The following EXOC3L2 variants were observed in gnomAD, a reference collection of about 807,000 sequenced individuals.
The protein encoded by EXOC3L2 is exocyst complex component 3-like protein 2.
A neutral mutation model predicts 44.4 loss-of-function variants in EXOC3L2; 17 were observed. The ratio of observed to expected loss-of-function variants is 0.38; its 90% confidence interval spans 0.26 to 0.57. EXOC3L2 has a LOEUF of 0.57. EXOC3L2 is among the 20% of genes least tolerant of loss of function. EXOC3L2 has a pLI of 0.65. For missense variants in EXOC3L2, 541 were observed against 588.4 expected, an observed-to-expected ratio of 0.92 and a Z score of 0.83; for synonymous variants, 256 against 253.7, an observed-to-expected ratio of 1.01 and a Z score of -0.09.
chr19:45,242,368 G>A (rs562073518), intron 1 of EXOC3L2, among the ~76,000 whole-genome samples: 8 of 152,050 alleles, frequency 5.3e-5, no homozygotes, highest in African/African-American at 1.9e-4. Context: ...GGGCTCAAGC[G>A]ATCCTCCCAC....
intron 8 of EXOC3L2, among the ~76,000 whole-genome samples, chr19:45,222,609 G>A (rs995387186): frequency 6.6e-6 from 1 of 151,698 alleles, no homozygotes; most frequent in Admixed American, 6.6e-5. Context: ...TGTTTCTTTT[G>A]CTTCTGCTCT....
intron 7 of EXOC3L2, among the ~76,000 whole-genome samples, chr19:45,226,781 C>G: frequency 9.9e-6 from 1 of 100,728 alleles, no homozygotes; most frequent in Admixed American, 1.1e-4. Flanking sequence ...GAGACGGAGT[C>G]TCGCTCTGAC....
rs1969789255 is a variant in EXOC3L2, at chr19:45,212,801, T to C, written c.*268A>G. ...TAGAGATAGGGGGCAGGTCTCACTA[T>C]GTTGCCCAGGCTGGTCTTGAACTCC... On this transcript the variant is annotated 3_prime_UTR_variant, in exon 12 of 12. Coordinates refer to ENST00000413988, the MANE Select transcript of EXOC3L2 (RefSeq NM_001382422.1). The C allele has an allele frequency of 7.6e-6, 3 of 392,464 alleles. No homozygotes were observed. The highest frequency in any genetic ancestry group is 8.7e-5 in the East Asian group (2 of 23,094). 24.3% of individuals were successfully genotyped at this position (392,464 alleles called of 1,614,324 possible). A position where few individuals can be genotyped will look rare whatever the true frequency, so the allele number is the denominator to read the frequency against.
intron 2 of EXOC3L2, among the ~76,000 whole-genome samples, chr19:45,235,611 C>A (rs1970076550): frequency 6.6e-6 from 1 of 152,246 alleles, no homozygotes; most frequent in Admixed American, 6.5e-5. Flanking sequence ...GGCTGGAAGG[C>A]CTCTGAGGCT....
rs537047430 is a variant in EXOC3L2, at chr19:45,242,977, C to CTG, written c.-17+2362_-17+2363dup. Among the ~76,000 whole-genome samples, 454 of 152,024 alleles carry CTG rather than the reference C, an allele frequency of 3.0e-3. 3 individuals are homozygous for CTG. Among genetic ancestry groups the CTG allele is most frequent in the African/African-American group, 0.01 (419 of 41,464 alleles). Reference sequence around the variant, plus strand: ...GAATCCAGCATCCAGAATGAATGTGCTGTTTACCCGTCCAAGTAGATTTTT... The same window carrying CTG: ...GAATCCAGCATCCAGAATGAATGTGCTGTGTTTACCCGTCCAAGTAGATTTTT... On this transcript the variant is annotated intron_variant, in intron 1 of 11. Coordinates refer to ENST00000413988, the MANE Select transcript of EXOC3L2 (RefSeq NM_001382422.1).
chr19:45,229,976 T>G (rs1461436958), intron 4 of EXOC3L2, among the ~76,000 whole-genome samples: 1 of 150,122 alleles, frequency 6.7e-6, no homozygotes, highest in Non-Finnish European at 1.5e-5. Context: ...ATATTAAATA[T>G]AAATCCTATT....
intron 1 of EXOC3L2, among the ~76,000 whole-genome samples, chr19:45,243,793 C>A (rs926368947): frequency 6.6e-6 from 1 of 152,074 alleles, no homozygotes; most frequent in Non-Finnish European, 1.5e-5. Context: ...CCACGCCTGG[C>A]TAATTTTTGT....
At chr19:45,230,498 G>A (rs369273035) in intron 4 of EXOC3L2, among the ~76,000 whole-genome samples, 5 of 152,098 alleles carry the variant, frequency 3.3e-5, no homozygotes, top group Non-Finnish European at 5.9e-5. Context: ...GATTACAGGC[G>A]TGAGCCACTG....
chr19:45,225,355 G>A (rs1241074583), intron 7 of EXOC3L2, among the ~76,000 whole-genome samples: 5 of 150,824 alleles, frequency 3.3e-5, no homozygotes, highest in South Asian at 2.1e-4. Flanking sequence ...TGTAAGTTCC[G>A]CCTCCCAGGT....
chr19:45,225,318 C>G (rs346761), intron 7 of EXOC3L2, among the ~76,000 whole-genome samples: 17,108 of 150,858 alleles, frequency 0.11, 1,572 homozygotes, highest in African/African-American at 0.26. Context: ...ACCCAGGCTG[C>G]AGTGCAGTGG....
At chr19:45,215,488 A>T (rs1460693788) in intron 11 of EXOC3L2, among the ~76,000 whole-genome samples, 1 of 152,146 alleles carries the variant, frequency 6.6e-6, no homozygotes, top group Non-Finnish European at 1.5e-5. Context: ...AAAGAAAAAA[A>T]GTTGGCATGT....
intron 7 of EXOC3L2, among the ~76,000 whole-genome samples, chr19:45,226,875 T>C (rs1234246553): frequency 1.1e-4 from 15 of 140,070 alleles, no homozygotes; most frequent in South Asian, 2.4e-4. Flanking sequence ...GCCTCAGCCT[T>C]CGGAGTAGCT....
Position 45,231,851 on chromosome 19 carries a change from A to G in EXOC3L2, c.1181T>C (p.Met394Thr). Residue 394 changes from methionine (M) to threonine (T), a missense_variant, in exon 4 of 12, where the codon ATG (methionine) becomes ACG (threonine). Physicochemically the swap from Met to Thr is moderately conservative, Grantham distance 81. Transcript: ENST00000413988. ...CAGCTCCCCATTCTCCAGGGCGGCC[A>G]TGTCCACCAGCCCTAGGACCTCTCT... is the stretch of plus-strand genomic sequence containing the variant. ...YPREVLGLVD[M>T]AALENGELGP... The G allele has an allele frequency of 6.2e-7, 1 of 1,608,862 alleles. No individual in the cohort carries two copies. The highest frequency in any genetic ancestry group is 8.5e-7 in the Non-Finnish European group (1 of 1,175,856).
At chr19:45,215,819 G>C (rs1599759654) in intron 11 of EXOC3L2, among the ~76,000 whole-genome samples, 1 of 152,144 alleles carries the variant, frequency 6.6e-6, no homozygotes. Flanking sequence ...GCAGCCCTGC[G>C]CCCCCCTGCC....
chr19:45,223,837 C>CA (rs939517749), intron 8 of EXOC3L2, among the ~76,000 whole-genome samples: 14 of 151,492 alleles, frequency 9.2e-5, no homozygotes, highest in Non-Finnish European at 1.6e-4. Flanking sequence ...ACTAAAAATA[C>CA]AAAAAAATTA....
At chr19:45,217,707 G>A in intron 9 of EXOC3L2, 24 bp from the exon 10 acceptor site, 2 of 1,397,886 alleles carry the variant, frequency 1.4e-6, no homozygotes, top group Non-Finnish European at 1.8e-6. Flanking sequence ...AGGGAAACCC[G>A]AGGGGTGTGA....
intron 1 of EXOC3L2, among the ~76,000 whole-genome samples, chr19:45,242,316 G>T (rs1237922271): frequency 3.0e-4 from 45 of 152,280 alleles, no homozygotes; most frequent in Non-Finnish European, 1.3e-4. Context: ...CCAGGCTGGA[G>T]TGCAGAGGCG....
intron 8 of EXOC3L2, among the ~76,000 whole-genome samples, chr19:45,221,589 C>T (rs557436557): frequency 6.7e-6 from 1 of 150,302 alleles, no homozygotes; most frequent in East Asian, 2.0e-4. Flanking sequence ...GATCTGCCTG[C>T]CTTGGCCTCC....
intron 4 of EXOC3L2, 97 bp from the exon 5 acceptor site, chr19:45,228,363 C>G (rs1969990783): frequency 9.4e-7 from 1 of 1,060,542 alleles, no homozygotes. Flanking sequence ...AGCCCTTAAC[C>G]CCAAGCAGTT....
Sources: gnomAD v4.1 joint callset for allele counts (sites outside exome capture counted in the v4.1 genomes callset) on GRCh38, gnomAD v4.1.1 for gene constraint, MANE v1.5 for transcripts, NCBI Gene and HGNC (gene_info 2026-07-23, HGNC 2026-07-21) for gene names.